DNAH5: variants seen among roughly 807,000 people sequenced by gnomAD.
DNAH5 encodes the protein axonemal beta dynein heavy chain 5.
A neutral mutation model predicts 518.2 loss-of-function variants in DNAH5; 372 were observed. The observed-to-expected ratio is 0.72, with a 90% confidence interval of 0.66 to 0.78. The LOEUF (loss-of-function observed/expected upper bound fraction) is 0.78, where lower values mean the gene tolerates loss of function less well. DNAH5 is among the 30% of genes least tolerant of loss of function. The probability of loss-of-function intolerance (pLI) is 0.00; values close to 1 mark genes in which losing one functional copy is unlikely to be tolerated. For synonymous variants in DNAH5, 2,039 were observed against 2,025.9 expected (o/e 1.01, Z -0.17); for missense variants, 5,523 against 5,687.0 (o/e 0.97, Z 0.93).
chr5:13,835,305 T>C (rs1002701096), intron 35 of DNAH5, among the ~76,000 whole-genome samples: 1 of 151,342 alleles, frequency 6.6e-6, no homozygotes, highest in Non-Finnish European at 1.5e-5. Flanking sequence ...AGTAATGATA[T>C]AGAAATAACT....
chr5:13,769,559 C>T lies in DNAH5; in HGVS notation c.9662G>A (p.Ser3221Asn). The T allele has an allele frequency of 6.2e-7, 1 of 1,614,072 alleles. No individual in the cohort carries two copies. Among genetic ancestry groups the T allele is most frequent in the Non-Finnish European group, 8.5e-7 (1 of 1,179,966 alleles). The change falls in exon 57 of 79, where the codon AGT (serine) becomes AAT (asparagine). Residue 3221 changes from serine (S) to asparagine (N), a missense_variant. This residue lies in a region of DNAH5 where 5,121 missense variants were observed against 5,223.3 expected (regional missense o/e 0.98). Coordinates refer to ENST00000265104, the MANE Select transcript of DNAH5 (RefSeq NM_001369.3). Reference protein sequence around the residue: ...KEASESVAALSKELEAKEKEL... With the variant: ...KEASESVAALNKELEAKEKEL... ...CTTTTCTTTCGCTTCCAGTTCTTTA[C>T]TCAAGGCTGCAACAGACTCTGAAGC...
chr5:13,899,933 TA>T, intron 15 of DNAH5: 1 of 446,538 alleles, frequency 2.2e-6, no homozygotes, highest in South Asian at 2.8e-5. Context: ...ACTTTTATTA[TA>T]AAAAGAGATC....
chr5:13,992,370 G>A (rs1392254730), intron 1 of DNAH5, among the ~76,000 whole-genome samples: 2 of 152,278 alleles, frequency 1.3e-5, no homozygotes, highest in East Asian at 3.9e-4. Context: ...GAAACAGATA[G>A]ACATAAGAAT....
chr5:13,868,719 C>T (rs553575514), intron 24 of DNAH5, among the ~76,000 whole-genome samples: 8 of 152,300 alleles, frequency 5.3e-5, no homozygotes, highest in African/African-American at 1.2e-4. Context: ...CCTCCCTCTC[C>T]GTGGAGGCAT....
intron 22 of DNAH5, among the ~76,000 whole-genome samples, chr5:13,872,300 C>T (rs1477652580): frequency 6.6e-6 from 1 of 152,112 alleles, no homozygotes; most frequent in East Asian, 1.9e-4. Flanking sequence ...AAATAGCGAG[C>T]ATCACTTCAA....
intron 58 of DNAH5, among the ~76,000 whole-genome samples, chr5:13,767,740 C>G (rs748358990): frequency 6.6e-6 from 1 of 152,178 alleles, no homozygotes; most frequent in Non-Finnish European, 1.5e-5. Context: ...CCTGTTTCAC[C>G]TAAGCATTAA....
intron 30 of DNAH5, among the ~76,000 whole-genome samples, chr5:13,852,447 G>A (rs1004104618): frequency 3.3e-5 from 5 of 151,474 alleles, no homozygotes; most frequent in Admixed American, 1.3e-4. Context: ...GATTACAGGC[G>A]TGAGCCACCA....
At chr5:13,876,613 T>C (rs1456321252) in intron 22 of DNAH5, 71 bp downstream of exon 22, 2 of 1,577,118 alleles carry the variant, frequency 1.3e-6, no homozygotes, top group Non-Finnish European at 8.6e-7. Flanking sequence ...AGGACAACTT[T>C]GTGATGTTCA....
intron 37 of DNAH5, 133 bp downstream of exon 37, chr5:13,829,893 A>C: frequency 2.0e-6 from 2 of 987,664 alleles, no homozygotes; most frequent in Non-Finnish European, 3.1e-6. Flanking sequence ...CTTAACACCA[A>C]AAGGTTTTCA....
At chr5:13,841,425 AGATT>A (rs1765146926) in intron 33 of DNAH5, among the ~76,000 whole-genome samples, 1 of 152,142 alleles carries the variant, frequency 6.6e-6, no homozygotes, top group African/African-American at 2.4e-5. Context: ...TTACATCAAA[AGATT>A]GATTAGGGAA....
Position 13,792,055 on chromosome 5 carries a change from T to A in DNAH5, c.8387A>T (p.Asp2796Val). Residue 2796 changes from aspartate (D) to valine (V), a missense_variant, in exon 50 of 79, where the codon GAT becomes GTT. By Grantham distance (152) the Asp-to-Val change is radical (BLOSUM62 -3). Around this residue, in one of 3 missense-constraint regions of DNAH5, gnomAD observed 5,121 missense variants for 5,223.3 expected, o/e 0.98. Coordinates refer to ENST00000265104, the MANE Select transcript of DNAH5 (RefSeq NM_001369.3). The part of the protein sequence containing the change: ...AKFHYVFNLR[D>V]LSRVWQGMLN... ...CATTCCCTGCCAGACCCGAGAAAGA[T>A]CTCGTAGGTTAAACACATAATGGAA... 1.2e-6 allele frequency: 2 copies of A among 1,614,096 alleles called. No homozygotes were observed. The highest frequency in any genetic ancestry group is 1.7e-6 in the Non-Finnish European group (2 of 1,179,998).
intron 1 of DNAH5, among the ~76,000 whole-genome samples, chr5:13,986,274 T>G (rs1014802350): frequency 2.0e-5 from 3 of 152,148 alleles, no homozygotes; most frequent in Non-Finnish European, 2.9e-5. Flanking sequence ...AAATAGTGTG[T>G]CAATCACTAC....
intron 15 of DNAH5, among the ~76,000 whole-genome samples, chr5:13,897,376 T>G (rs1774041659): frequency 6.6e-6 from 1 of 152,188 alleles, no homozygotes; most frequent in Admixed American, 6.5e-5. Flanking sequence ...CTTCCCACCT[T>G]TAATCCCAGA....
intron 65 of DNAH5, among the ~76,000 whole-genome samples, chr5:13,746,980 C>T (rs1446628625): frequency 1.3e-5 from 2 of 151,942 alleles, no homozygotes; most frequent in Admixed American, 1.3e-4. Flanking sequence ...TGTTGGTGTG[C>T]TGCACCCATT....
chr5:14,004,481 C>T (rs1378403879), intron 1 of DNAH5, among the ~76,000 whole-genome samples: 1 of 152,178 alleles, frequency 6.6e-6, no homozygotes, highest in African/African-American at 2.4e-5. Context: ...TTTCTATTCC[C>T]TTTTTCCTAT....
At position 13,691,558 on chromosome 5, in the gene DNAH5, G is replaced by A. The variant is rs541323896; in HGVS notation, c.*426C>T. 390 of 161,064 alleles carry A rather than the reference G, an allele frequency of 2.4e-3. No homozygotes were observed. Among genetic ancestry groups the A allele is most frequent in the African/African-American group, 8.8e-3 (366 of 41,622 alleles). 10.0% of individuals were successfully genotyped at this position (161,064 alleles called of 1,614,324 possible). A position where few individuals can be genotyped will look rare whatever the true frequency, so the allele number is the denominator to read the frequency against. ...AAGTCTCTTAACTTGACCTAAATAC[G>A]AAAGGCAATAGAAGCAAAATCAGCA... is the stretch of plus-strand genomic sequence containing the variant. On this transcript the variant is annotated 3_prime_UTR_variant, in exon 79 of 79. Coordinates refer to ENST00000265104, the MANE Select transcript of DNAH5 (RefSeq NM_001369.3).
intron 12 of DNAH5, 131 bp from the exon 13 acceptor site, chr5:13,902,269 G>A (rs978273606): frequency 1.5e-6 from 1 of 684,204 alleles, no homozygotes; most frequent in Non-Finnish European, 2.5e-6. Flanking sequence ...AATTGAATGA[G>A]CTTAAAAGAA....
intron 76 of DNAH5, among the ~76,000 whole-genome samples, chr5:13,705,023 G>A (rs1002834948): frequency 2.0e-5 from 3 of 149,970 alleles, no homozygotes; most frequent in East Asian, 2.0e-4. Flanking sequence ...AGGGAGTCTC[G>A]CTCTGTCACC....
intron 47 of DNAH5, among the ~76,000 whole-genome samples, chr5:13,804,119 A>G (rs1288300759): frequency 5.3e-5 from 8 of 151,996 alleles, no homozygotes; most frequent in Non-Finnish European, 8.8e-5. Flanking sequence ...GTTCGGGGGG[A>G]AAAATGAGGA....
Sources: gnomAD v4.1 joint callset for allele counts (sites outside exome capture counted in the v4.1 genomes callset) on GRCh38, gnomAD v4.1.1 for gene constraint, gnomAD v4.1.1 regional missense constraint, MANE v1.5 for transcripts, NCBI Gene and HGNC (gene_info 2026-07-23, HGNC 2026-07-21) for gene names.